PLXNC1: variants seen among roughly 807,000 people sequenced by gnomAD.
PLXNC1 encodes the protein plexin C1, also known as plexin-C1.
PLXNC1 carries 75 observed loss-of-function variants against 178.2 expected under a neutral mutation model. That is an observed-to-expected ratio of 0.42 (90% confidence interval 0.35 to 0.51). The LOEUF is 0.51. Among genes scored for constraint, PLXNC1 ranks in the 20% least tolerant of loss-of-function variants. The pLI, the probability that PLXNC1 is intolerant of heterozygous loss-of-function variation, is 0.02. For synonymous variants in PLXNC1, 790 were observed against 779.9 expected (o/e 1.01, Z -0.22); for missense variants, 1,503 against 1,984.4 (o/e 0.76, Z 4.61).
intron 1 of PLXNC1, among the ~76,000 whole-genome samples, chr12:94,161,496 G>GCTA (rs1961385005): frequency 6.6e-6 from 1 of 152,150 alleles, no homozygotes; most frequent in Admixed American, 6.5e-5. Context: ...ATTCTTCCAT[G>GCTA]CTACCATCAG....
intron 10 of PLXNC1, among the ~76,000 whole-genome samples, chr12:94,239,461 A>G (rs1397411447): frequency 6.6e-6 from 1 of 152,246 alleles, no homozygotes; most frequent in African/African-American, 2.4e-5. Context: ...CGTAAGTACA[A>G]ACTGACTCAG....
chr12:94,305,127 G>A, intron 30 of PLXNC1, 54 bp from the exon 31 acceptor site: 2 of 1,163,662 alleles, frequency 1.7e-6, no homozygotes, highest in Non-Finnish European at 2.5e-6. Context: ...GCAAAAAACA[G>A]AATTGTAACG....
chr12:94,261,479 A>G (rs1964986317), intron 20 of PLXNC1, among the ~76,000 whole-genome samples: 1 of 152,262 alleles, frequency 6.6e-6, no homozygotes, highest in Non-Finnish European at 1.5e-5. Flanking sequence ...GAGAATTGGA[A>G]GAAGATTTTA....
chr12:94,251,087 GGGCA>G (rs142514877), intron 14 of PLXNC1, among the ~76,000 whole-genome samples: 76,275 of 151,036 alleles, frequency 0.51, 20,517 homozygotes, highest in East Asian at 0.75. Context: ...TTAGAATAAA[GGGCA>G]GGCAGGGGCT....
chr12:94,218,520 G>T (rs908849729), intron 5 of PLXNC1, among the ~76,000 whole-genome samples: 2 of 152,068 alleles, frequency 1.3e-5, no homozygotes, highest in African/African-American at 4.8e-5. Context: ...TTTACTTAGC[G>T]CTCATTCCCA....
At chr12:94,285,445 C>T (rs2136162631) in intron 23 of PLXNC1, among the ~76,000 whole-genome samples, 1 of 152,244 alleles carries the variant, frequency 6.6e-6, no homozygotes, top group East Asian at 1.9e-4. Flanking sequence ...TGTGGCATTG[C>T]TGTAGGGAGT....
intron 20 of PLXNC1, among the ~76,000 whole-genome samples, chr12:94,263,336 C>G (rs1218898794): frequency 6.6e-6 from 1 of 152,132 alleles, no homozygotes; most frequent in Non-Finnish European, 1.5e-5. Context: ...GCAAGGGATT[C>G]TGGTGATTAG....
chr12:94,170,694 C>T (rs1961810657), intron 2 of PLXNC1, among the ~76,000 whole-genome samples: 1 of 152,202 alleles, frequency 6.6e-6, no homozygotes, highest in Admixed American at 6.5e-5. Context: ...CATGAATTCC[C>T]ACAGCCTAAT....
At chr12:94,162,610 G>A (rs1961425508) in intron 1 of PLXNC1, among the ~76,000 whole-genome samples, 1 of 152,148 alleles carries the variant, frequency 6.6e-6, no homozygotes, top group Admixed American at 6.5e-5. Flanking sequence ...AGATCGGGAG[G>A]GGAATGAATG....
chr12:94,162,400 T>G (rs1335799746), intron 1 of PLXNC1, among the ~76,000 whole-genome samples: 1 of 152,118 alleles, frequency 6.6e-6, no homozygotes. Flanking sequence ...GGAATGGGTG[T>G]GAAGACGTCA....
chr12:94,230,385 G>A (rs909050545), intron 9 of PLXNC1, among the ~76,000 whole-genome samples: 1 of 152,080 alleles, frequency 6.6e-6, no homozygotes, highest in Non-Finnish European at 1.5e-5. Context: ...TTCCTGCAGT[G>A]TATCTCTCTG....
At chr12:94,288,179 A>G (rs1194299094) in intron 23 of PLXNC1, among the ~76,000 whole-genome samples, 1 of 152,252 alleles carries the variant, frequency 6.6e-6, no homozygotes, top group Non-Finnish European at 1.5e-5. Context: ...AAATTCATAA[A>G]GGGTAACTTC....
At chr12:94,179,907 G>C (rs1282622635) in intron 2 of PLXNC1, among the ~76,000 whole-genome samples, 1 of 152,138 alleles carries the variant, frequency 6.6e-6, no homozygotes, top group African/African-American at 2.4e-5. Context: ...CCCCATTTTA[G>C]AGATGAGGAA....
Position 94,209,701 on chromosome 12 carries a change from A to G in PLXNC1, c.1551A>G (p.Glu517=). ...PKIQIIRSSK[E]KTTVTMVGSF... is the part of the protein sequence containing the mutation. ...TTCAGATAATTCGAAGCAGTAAAGAAAAGGTAAGAGGAAAGATTTTAATTT... is the reference window on the plus strand; with the variant it reads ...TTCAGATAATTCGAAGCAGTAAAGAGAAGGTAAGAGGAAAGATTTTAATTT... The change falls in exon 5 of 31, where the codon GAA becomes GAG. Residue 517 remains glutamate (E), a synonymous_variant. Transcript: ENST00000258526. 1 of 1,575,814 alleles carries G rather than the reference A, an allele frequency of 6.3e-7. No homozygotes were observed.
intron 10 of PLXNC1, among the ~76,000 whole-genome samples, chr12:94,238,261 C>T (rs1964293185): frequency 6.6e-6 from 1 of 152,122 alleles, no homozygotes; most frequent in African/African-American, 2.4e-5. Context: ...ACATTTTATT[C>T]TTTGTAGCCT....
At chr12:94,150,325 C>T (rs1419827707) in intron 1 of PLXNC1, among the ~76,000 whole-genome samples, 2 of 152,216 alleles carry the variant, frequency 1.3e-5, no homozygotes, top group Non-Finnish European at 2.9e-5. Flanking sequence ...CCTTCCCTGT[C>T]CAAACGGGGA....
intron 10 of PLXNC1, 115 bp downstream of exon 10, chr12:94,237,918 C>A: frequency 1.0e-6 from 1 of 975,274 alleles, no homozygotes; most frequent in Non-Finnish European, 1.5e-6. Context: ...TGCCCCAAAG[C>A]AGGCCAATTA....
At chr12:94,283,592 G>A (rs932493698) in intron 23 of PLXNC1, among the ~76,000 whole-genome samples, 7 of 152,210 alleles carry the variant, frequency 4.6e-5, no homozygotes, top group Non-Finnish European at 1.0e-4. Flanking sequence ...CTCCCTGAGC[G>A]TTCAGGGATG....
In PLXNC1 at chr12:94,237,798, G is replaced by A. The variant is rs1201915422; in HGVS notation, c.2115G>A (p.Lys705=). 1.9e-6 allele frequency: 3 copies of A among 1,613,246 alleles called. No individual in the cohort carries two copies. Among genetic ancestry groups the A allele is most frequent in the Admixed American group, 3.3e-5 (2 of 59,944 alleles). The change falls in exon 10 of 31, where the codon AAG becomes AAA. Residue 705 remains lysine (K), a synonymous_variant. Coordinates refer to ENST00000258526, the MANE Select transcript of PLXNC1 (RefSeq NM_005761.3). ...TGAAAGGAACCAGTACCTGTGATAA[G>A]GATGTGTGAGTCGAAATACTAATAA... is the stretch of plus-strand genomic sequence containing the variant. ...MILKGTSTCD[K]DVIQVSHVLN...
Sources: gnomAD v4.1 joint callset for allele counts (sites outside exome capture counted in the v4.1 genomes callset) on GRCh38, gnomAD v4.1.1 for gene constraint, MANE v1.5 for transcripts, NCBI Gene and HGNC (gene_info 2026-07-23, HGNC 2026-07-21) for gene names.